The following LRRFIP2 variants were observed in gnomAD, a reference collection of about 807,000 sequenced individuals.
The protein encoded by LRRFIP2 is leucine-rich repeat flightless-interacting protein 2.
Under a neutral mutation model 125.9 loss-of-function variants are expected in LRRFIP2, and 109 were observed. That is an observed-to-expected ratio of 0.87 (90% CI 0.74 to 1.01). The LOEUF (loss-of-function observed/expected upper bound fraction) is 1.01. Among genes scored for constraint, LRRFIP2 ranks in the 50% least tolerant of loss-of-function variants. LRRFIP2 has a pLI of 0.00. For synonymous variants in LRRFIP2, 291 were observed against 293.1 expected (o/e 0.99, Z 0.07); for missense variants, 850 against 862.3 (o/e 0.99, Z 0.18).
At chr3:37,125,971 TTTTG>T in intron 4 of LRRFIP2, among the ~76,000 whole-genome samples, 1 of 152,214 alleles carries the variant, frequency 6.6e-6, no homozygotes, top group East Asian at 1.9e-4. Context: ...TTTTTATTTA[TTTTG>T]TTTACCTTCA....
intron 22 of LRRFIP2, 27 bp from the exon 23 acceptor site, chr3:37,065,969 C>G: frequency 6.2e-7 from 1 of 1,613,900 alleles, no homozygotes; most frequent in Non-Finnish European, 8.5e-7. Context: ...CCCACCATCA[C>G]AAAAGGCCCG....
Position 37,119,953 on chromosome 3 carries a change from C to T in LRRFIP2, c.330+1539G>A, listed in dbSNP as rs141297159. Among the ~76,000 whole-genome samples the T allele has an allele frequency of 9.1e-3, 1,382 of 151,254 alleles. 25 individuals are homozygous for T. The highest frequency in any genetic ancestry group is 0.032 in the African/African-American group (1,318 of 41,222). ...CTGGGATTACAGATGTGAGCCACCG[C>T]TCCCGGCCTTTTCAAAATATTTAAA... On this transcript the variant is annotated intron_variant, in intron 6 of 27. Coordinates refer to ENST00000336686, the MANE Select transcript of LRRFIP2 (RefSeq NM_006309.4).
At chr3:37,157,924 T>A (rs2096244464) in intron 1 of LRRFIP2, among the ~76,000 whole-genome samples, 1 of 152,210 alleles carries the variant, frequency 6.6e-6, no homozygotes, top group Admixed American at 6.5e-5. Context: ...TCAAAAATAT[T>A]TTTAAAGTAT....
chr3:37,131,141 C>T (rs2095417364), intron 2 of LRRFIP2, among the ~76,000 whole-genome samples: 1 of 152,250 alleles, frequency 6.6e-6, no homozygotes, highest in South Asian at 2.1e-4. Context: ...GAATGTATCT[C>T]CCATGGATTG....
chr3:37,162,671 T>C (rs1369531444), intron 1 of LRRFIP2, among the ~76,000 whole-genome samples: 1 of 151,960 alleles, frequency 6.6e-6, no homozygotes, highest in African/African-American at 2.4e-5. Flanking sequence ...AGGAAATAAA[T>C]CAAACACAGA....
At chr3:37,070,708 G>GGA (rs942270300) in intron 21 of LRRFIP2, among the ~76,000 whole-genome samples, 5 of 151,862 alleles carry the variant, frequency 3.3e-5, no homozygotes, top group African/African-American at 4.8e-5. Context: ...CCAGCCTTGG[G>GGA]GAGAGAGAGA....
intron 4 of LRRFIP2, 71 bp downstream of exon 4, chr3:37,127,559 A>C: frequency 6.8e-7 from 1 of 1,472,546 alleles, no homozygotes; most frequent in Non-Finnish European, 9.5e-7. Flanking sequence ...ACTATTAGTT[A>C]ATGTTTTACT....
Position 37,094,850 on chromosome 3 carries a change from C to G in LRRFIP2, c.977G>C (p.Arg326Pro). The G allele has an allele frequency of 1.2e-6, 2 of 1,613,972 alleles. No homozygotes were observed. The highest frequency in any genetic ancestry group is 1.7e-6 in the Non-Finnish European group (2 of 1,179,894). Residue 326 changes from arginine to proline, a missense_variant, in exon 17 of 28, where the codon CGA becomes CCA. Physicochemically the swap from Arg to Pro is moderately radical, Grantham distance 103. Transcript: ENST00000336686. ...TTPLSGNSSR[R>P]GSGDTSSLID... ...TAAGCTGCTGGTGTCCCCACTTCCTCGTCTGGATGAGTTTCCACTTAGAGG... is the reference window on the plus strand; with the variant it reads ...TAAGCTGCTGGTGTCCCCACTTCCTGGTCTGGATGAGTTTCCACTTAGAGG...
intron 2 of LRRFIP2, among the ~76,000 whole-genome samples, chr3:37,142,183 C>T (rs2095723426): frequency 7.0e-6 from 1 of 143,568 alleles, no homozygotes; most frequent in African/African-American, 2.6e-5. Flanking sequence ...CAGGGTCTCA[C>T]TCTGTTGCCC....
upstream of LRRFIP2, chr3:37,175,869 T>G (rs929914737): frequency 6.6e-6 from 1 of 152,136 alleles, no homozygotes; most frequent in Admixed American, 6.5e-5. Context: ...ACGGGATGTC[T>G]GAGAACGCCG....
chr3:37,148,827 T>C, intron 2 of LRRFIP2, 67 bp downstream of exon 2: 2 of 1,574,872 alleles, frequency 1.3e-6, no homozygotes, highest in Admixed American at 3.4e-5. Flanking sequence ...TCTATATCTC[T>C]GTCAAATCGG....
At chr3:37,142,054 C>A (rs115147030) in intron 2 of LRRFIP2, among the ~76,000 whole-genome samples, 2 of 152,168 alleles carry the variant, frequency 1.3e-5, no homozygotes, top group East Asian at 3.9e-4. Flanking sequence ...CTTTTCAGAG[C>A]CATATTCTTG....
chr3:37,162,462 T>C (rs919373840), intron 1 of LRRFIP2, among the ~76,000 whole-genome samples: 2 of 152,168 alleles, frequency 1.3e-5, no homozygotes, highest in Non-Finnish European at 2.9e-5. Flanking sequence ...CTTCAAACTC[T>C]TGAAGGAAAA....
At chr3:37,158,335 G>A (rs1160938781) in intron 1 of LRRFIP2, among the ~76,000 whole-genome samples, 3 of 152,148 alleles carry the variant, frequency 2.0e-5, no homozygotes, top group East Asian at 1.9e-4. Flanking sequence ...GGCCAGGCAC[G>A]GTGGCTCATG....
chr3:37,058,493 G>A (rs527931516), intron 25 of LRRFIP2, among the ~76,000 whole-genome samples: 1 of 152,122 alleles, frequency 6.6e-6, no homozygotes, highest in South Asian at 2.1e-4. Context: ...GGTAACTATG[G>A]TGAAACTCTG....
At chr3:37,100,760 A>G (rs1042650502) in intron 15 of LRRFIP2, among the ~76,000 whole-genome samples, 3 of 152,210 alleles carry the variant, frequency 2.0e-5, no homozygotes, top group Admixed American at 1.3e-4. Context: ...TTAATTGTCC[A>G]TACTTATGGG....
chr3:37,078,415 A>G (rs986259224), intron 19 of LRRFIP2, among the ~76,000 whole-genome samples: 1 of 152,208 alleles, frequency 6.6e-6, no homozygotes, highest in Non-Finnish European at 1.5e-5. Context: ...TTGCTATTCT[A>G]GGCAACTTCG....
At chr3:37,166,094 T>C (rs894413002) in intron 1 of LRRFIP2, among the ~76,000 whole-genome samples, 1 of 152,082 alleles carries the variant, frequency 6.6e-6, no homozygotes, top group Non-Finnish European at 1.5e-5. Flanking sequence ...TCCCAGCACT[T>C]TGGAAGGCAG....
intron 19 of LRRFIP2, 63 bp from the exon 20 acceptor site, chr3:37,075,179 C>T: frequency 3.7e-6 from 4 of 1,093,000 alleles, no homozygotes; most frequent in Admixed American, 1.7e-5. Flanking sequence ...TGAACATACA[C>T]AATACAACAC....
Sources: allele counts gnomAD v4.1 joint callset (sites outside exome capture counted in the v4.1 genomes callset), GRCh38; gene constraint gnomAD v4.1.1; transcripts MANE v1.5; gene names NCBI Gene and HGNC (gene_info 2026-07-23, HGNC 2026-07-21).